Variants in EEPD1 observed in about 807,000 individuals in gnomAD.
The protein encoded by EEPD1 is endonuclease/exonuclease/phosphatase family domain containing 1.
Under a neutral mutation model 46.3 loss-of-function variants are expected in EEPD1, and 17 were observed. That is an observed-to-expected ratio of 0.37 (90% CI 0.25 to 0.55). The LOEUF (loss-of-function observed/expected upper bound fraction) is 0.55. Among genes scored for constraint, EEPD1 ranks in the 20% least tolerant of loss-of-function variants. The probability of loss-of-function intolerance (pLI) is 0.83; values close to 1 mark genes in which losing one functional copy is unlikely to be tolerated. For synonymous variants in EEPD1, 313 were observed against 315.6 expected (o/e 0.99, Z 0.09); for missense variants, 673 against 745.6 (o/e 0.90, Z 1.13).
chr7:36,294,113 TAG>T (rs1203348883), intron 6 of EEPD1, among the ~76,000 whole-genome samples: 3 of 152,178 alleles, frequency 2.0e-5, no homozygotes, highest in South Asian at 2.1e-4. Context: ...CTCCTCTGTG[TAG>T]AGTGTCTAGA....
intron 3 of EEPD1, among the ~76,000 whole-genome samples, chr7:36,254,646 A>G (rs1786801204): frequency 6.6e-6 from 1 of 152,196 alleles, no homozygotes; most frequent in Non-Finnish European, 1.5e-5. Context: ...TATACCCAGT[A>G]ATGGAATTAC....
At chr7:36,213,620 G>C (rs1442686228) in intron 2 of EEPD1, among the ~76,000 whole-genome samples, 2 of 152,080 alleles carry the variant, frequency 1.3e-5, no homozygotes, top group African/African-American at 4.8e-5. Flanking sequence ...AACATTGAAG[G>C]CCCTGGCAAA....
chr7:36,243,535 T>C (rs1383853208), intron 3 of EEPD1, among the ~76,000 whole-genome samples: 1 of 151,936 alleles, frequency 6.6e-6, no homozygotes, highest in African/African-American at 2.4e-5. Flanking sequence ...GGCCTTTGAG[T>C]TTTGTAATCA....
chr7:36,298,246 AAG>A (rs1787556923), intron 7 of EEPD1, among the ~76,000 whole-genome samples: 1 of 152,192 alleles, frequency 6.6e-6, no homozygotes, highest in Non-Finnish European at 1.5e-5. Flanking sequence ...CTATTGAAGG[AAG>A]AGAGCTGGGG....
chr7:36,220,327 G>C (rs1017643525), intron 2 of EEPD1, among the ~76,000 whole-genome samples: 4 of 152,116 alleles, frequency 2.6e-5, no homozygotes, highest in African/African-American at 9.7e-5. Context: ...AAGGGGGAAG[G>C]GAAAGGCTCA....
At chr7:36,294,721 G>A (rs1381098888) in intron 6 of EEPD1, among the ~76,000 whole-genome samples, 2 of 151,968 alleles carry the variant, frequency 1.3e-5, no homozygotes, top group African/African-American at 4.8e-5. Flanking sequence ...ATATGATAAA[G>A]GGTTAATATG....
chr7:36,242,926 C>G (rs574467481), intron 3 of EEPD1, among the ~76,000 whole-genome samples: 1 of 152,164 alleles, frequency 6.6e-6, no homozygotes, highest in South Asian at 2.1e-4. Context: ...GAAACTCTGT[C>G]TCAAAAAATA....
chr7:36,223,986 C>G (rs1786189366), intron 2 of EEPD1, among the ~76,000 whole-genome samples: 1 of 152,188 alleles, frequency 6.6e-6, no homozygotes. Flanking sequence ...CAGTCTGTTC[C>G]CCTGCCTTTT....
intron 2 of EEPD1, among the ~76,000 whole-genome samples, chr7:36,183,109 G>C (rs1216266905): frequency 6.6e-6 from 1 of 152,200 alleles, no homozygotes; most frequent in Non-Finnish European, 1.5e-5. Context: ...CCCGGCTCCT[G>C]AGGCAGCTCA....
chr7:36,181,746 T>C (rs1785271500), intron 2 of EEPD1, among the ~76,000 whole-genome samples: 1 of 152,214 alleles, frequency 6.6e-6, no homozygotes. Context: ...CAGTGGGTTG[T>C]ATGAAGTTCA....
intron 2 of EEPD1, among the ~76,000 whole-genome samples, chr7:36,168,874 G>T (rs1427559609): frequency 1.3e-5 from 2 of 152,084 alleles, no homozygotes; most frequent in East Asian, 3.9e-4. Flanking sequence ...TGGGGGTACT[G>T]CCCTGCAAGC....
rs73686997 is a variant in EEPD1 at position 36,193,115 on chromosome 7, C to T, written c.878+37913C>T. On this transcript the variant is annotated intron_variant, in intron 2 of 7. Transcript: ENST00000242108. The surrounding 1 kb of genome is among the most constrained non-coding windows in gnomAD (Gnocchi z 4.9). ...CCCCAGCCCAGTGGGGGAGGCAAGCCGGGCACAGAGCAGTGCGTCATGATG... is the reference window on the plus strand; with the variant it reads ...CCCCAGCCCAGTGGGGGAGGCAAGCTGGGCACAGAGCAGTGCGTCATGATG... Among the ~76,000 whole-genome samples, 4,685 of 152,230 alleles carry T rather than the reference C, an allele frequency of 0.031. 253 individuals carry two copies. Among genetic ancestry groups the T allele is most frequent in the African/African-American group, 0.11 (4,430 of 41,524 alleles).
intron 2 of EEPD1, among the ~76,000 whole-genome samples, chr7:36,229,676 A>G (rs1007681105): frequency 2.0e-5 from 3 of 150,948 alleles, no homozygotes; most frequent in African/African-American, 4.9e-5. Flanking sequence ...CTTACCTGGC[A>G]TTCTGTAAAT....
intron 3 of EEPD1, among the ~76,000 whole-genome samples, chr7:36,245,720 A>C (rs1416037188): frequency 6.6e-5 from 10 of 152,270 alleles, no homozygotes; most frequent in Non-Finnish European, 1.3e-4. Flanking sequence ...AACCATGAGC[A>C]GATGATCTAA....
At chr7:36,214,666 A>AT (rs1323085220) in intron 2 of EEPD1, among the ~76,000 whole-genome samples, 1 of 149,290 alleles carries the variant, frequency 6.7e-6, no homozygotes, top group East Asian at 2.1e-4. Flanking sequence ...TTTTAGGAAC[A>AT]TTCCCGGGTG....
At chr7:36,184,666 C>G (rs1583794121) in intron 2 of EEPD1, among the ~76,000 whole-genome samples, 1 of 152,068 alleles carries the variant, frequency 6.6e-6, no homozygotes, top group Non-Finnish European at 1.5e-5. Flanking sequence ...AAGAAAGCAT[C>G]TTTATTAAAT....
chr7:36,183,129 T>C (rs1234016517), intron 2 of EEPD1, among the ~76,000 whole-genome samples: 3 of 152,220 alleles, frequency 2.0e-5, no homozygotes, highest in Non-Finnish European at 4.4e-5. Context: ...AAAGACCAAC[T>C]GTTCTAACTG....
At chr7:36,174,716 G>A (rs1220101623) in intron 2 of EEPD1, among the ~76,000 whole-genome samples, 1 of 152,168 alleles carries the variant, frequency 6.6e-6, no homozygotes, top group African/African-American at 2.4e-5. Flanking sequence ...CTGTGTGCAG[G>A]CCCTGTACAA....
chr7:36,244,530 C>T (rs1297675215), intron 3 of EEPD1, among the ~76,000 whole-genome samples: 1 of 152,158 alleles, frequency 6.6e-6, no homozygotes, highest in Non-Finnish European at 1.5e-5. Flanking sequence ...TTTAGGTAGA[C>T]AGCCTTCCCA....
Sources: allele counts gnomAD v4.1 joint callset (sites outside exome capture counted in the v4.1 genomes callset), GRCh38; gene constraint gnomAD v4.1.1; non-coding constraint Gnocchi (gnomAD v3.1); transcripts MANE v1.5; gene names NCBI Gene and HGNC (gene_info 2026-07-23, HGNC 2026-07-21).